LTBP1: variants seen among roughly 807,000 people sequenced by gnomAD.
LTBP1 encodes the protein latent transforming growth factor beta binding protein 1, also known as latent-transforming growth factor beta-binding protein 1.
In LTBP1, 129 loss-of-function variants were observed where a neutral mutation model predicts 207.6. The ratio of observed to expected loss-of-function variants is 0.62; its 90% CI spans 0.54 to 0.72. The LOEUF is 0.72. Ranked by LOEUF, LTBP1 falls within the 30% of genes least tolerant of loss-of-function variation. The pLI, the probability that LTBP1 is intolerant of heterozygous loss-of-function variation, is 0.00. For missense variants in LTBP1, 2,281 were observed against 2,217.2 expected (o/e 1.03, Z -0.58); for synonymous variants, 963 against 833.7 (o/e 1.16, Z -2.67).
chr2:33,070,424 T>C (rs1655677376), intron 3 of LTBP1, among the ~76,000 whole-genome samples: 1 of 152,202 alleles, frequency 6.6e-6, no homozygotes, highest in Non-Finnish European at 1.5e-5. Context: ...TAGCCATGGC[T>C]GGTGGCCACA....
chr2:33,280,019 C>G lies in LTBP1; in HGVS notation c.2993-20C>G, dbSNP rs771862799. On this transcript the variant is annotated intron_variant, in intron 18 of 33. Coordinates refer to ENST00000404816, the MANE Select transcript of LTBP1 (RefSeq NM_206943.4). ...GGTATTCTGATAAAATGTTCACGAC[C>G]TAGGTTTTTGATTTTTCAGATATTG... The G allele has an allele frequency of 1.9e-6, 3 of 1,612,484 alleles. No homozygotes were observed. The African/African-American group carries it at 4.0e-5, about 22-fold the overall frequency.
chr2:33,149,920 G>T (rs1284818754), intron 5 of LTBP1, among the ~76,000 whole-genome samples: 1 of 152,164 alleles, frequency 6.6e-6, no homozygotes, highest in African/African-American at 2.4e-5. Context: ...CACCTTGGGA[G>T]GGTATGGGTT....
chr2:33,140,162 G>C (rs2082519558), intron 5 of LTBP1, among the ~76,000 whole-genome samples: 2 of 152,170 alleles, frequency 1.3e-5, no homozygotes, highest in Non-Finnish European at 2.9e-5. Context: ...TAATACTGTG[G>C]TGCTGGGATG....
At chr2:33,160,170 C>T (rs893887808) in intron 5 of LTBP1, among the ~76,000 whole-genome samples, 5 of 152,164 alleles carry the variant, frequency 3.3e-5, no homozygotes, top group Non-Finnish European at 5.9e-5. Flanking sequence ...TGAGCCACCG[C>T]GCCTGGCCTC....
At chr2:33,320,785 C>G (rs1159325727) in intron 24 of LTBP1, among the ~76,000 whole-genome samples, 1 of 152,118 alleles carries the variant, frequency 6.6e-6, no homozygotes, top group African/African-American at 2.4e-5. Flanking sequence ...TGTAAGAGTT[C>G]ATCAGTCATA....
At position 33,306,048 on chromosome 2, in the gene LTBP1, G is replaced by T. The variant is rs1258162252; in HGVS notation, c.3482-3386G>T. Among the ~76,000 whole-genome samples the T allele has an allele frequency of 4.6e-5, 7 of 152,208 alleles. No homozygotes were observed. In the East Asian group the frequency reaches 7.7e-4, roughly 17 times the overall value. ...TATTTTCGCACTACCCCAGGTGGTG[G>T]TACGAAATAGTACCATGTTGTGCTC... On this transcript the variant is annotated intron_variant, in intron 22 of 33. Transcript: ENST00000404816.
Position 32,947,263 on chromosome 2 carries a change from G to A in LTBP1, c.-62G>A. On this transcript the variant is annotated 5_prime_UTR_variant, in exon 1 of 34. Transcript: ENST00000404816. ...AGCCCGAACGCGCGGGGAAAGGCGA[G>A]CCGCACGGCCGGGGGAGGGGGCCGG... 1.7e-6 allele frequency: 2 copies of A among 1,172,472 alleles called. No homozygotes were observed. The highest frequency in any genetic ancestry group is 2.1e-6 in the Non-Finnish European group (2 of 941,252). 72.6% of individuals were successfully genotyped at this position (1,172,472 alleles called of 1,614,324 possible). A position where few individuals can be genotyped will look rare whatever the true frequency, so the allele number is the denominator to read the frequency against.
intron 17 of LTBP1, 53 bp from the exon 18 acceptor site, chr2:33,275,748 T>C (rs1276434912): frequency 6.2e-7 from 1 of 1,608,478 alleles, no homozygotes. Context: ...ATGGGAGAGG[T>C]TTGAAACAGT....
chr2:33,221,980 A>T (rs1459938576), intron 8 of LTBP1, 100 bp from the exon 9 acceptor site: 6 of 743,936 alleles, frequency 8.1e-6, no homozygotes, highest in Non-Finnish European at 1.4e-5. Context: ...ATAAATGAAT[A>T]AGTAAGTTTG....
chr2:33,302,936 C>T (rs940137077), intron 22 of LTBP1, among the ~76,000 whole-genome samples: 5 of 145,864 alleles, frequency 3.4e-5, no homozygotes, highest in Non-Finnish European at 7.5e-5. Flanking sequence ...GTGGTGGCGC[C>T]CAGCTAATAT....
At chr2:33,189,817 G>T (rs903490286) in intron 7 of LTBP1, among the ~76,000 whole-genome samples, 1 of 152,088 alleles carries the variant, frequency 6.6e-6, no homozygotes, top group Non-Finnish European at 1.5e-5. Context: ...CCTGAGGTCA[G>T]GAGTTCGAGA....
chr2:32,984,298 A>G (rs80282292), intron 2 of LTBP1, among the ~76,000 whole-genome samples: 217 of 152,114 alleles, frequency 1.4e-3, no homozygotes, highest in African/African-American at 5.1e-3. Flanking sequence ...CTTTTTTTCC[A>G]TCTGAATAAA....
chr2:33,189,532 T>G (rs2087601084), intron 7 of LTBP1, among the ~76,000 whole-genome samples: 1 of 152,174 alleles, frequency 6.6e-6, no homozygotes, highest in South Asian at 2.1e-4. Flanking sequence ...ATTACCTGTT[T>G]CTATTTTTTC....
At chr2:32,996,497 A>G (rs944766522) in intron 2 of LTBP1, among the ~76,000 whole-genome samples, 1 of 152,188 alleles carries the variant, frequency 6.6e-6, no homozygotes, top group African/African-American at 2.4e-5. Context: ...TATTTAATAA[A>G]TAGTTTTTTA....
intron 2 of LTBP1, among the ~76,000 whole-genome samples, chr2:32,990,718 G>A (rs1231771549): frequency 6.6e-6 from 1 of 152,126 alleles, no homozygotes. Flanking sequence ...CAAAACAGCT[G>A]TGTGGGGAAA....
rs377706919 is a variant in LTBP1 at position 33,356,668 on chromosome 2, C to A, written c.4001-3929C>A. ...GTCTCAAAAAACAAAAAACAAAAAA[C>A]CACATTTCTCATTTTCCGAGTTCTT... On this transcript the variant is annotated intron_variant, in intron 26 of 33. Coordinates refer to ENST00000404816, the MANE Select transcript of LTBP1 (RefSeq NM_206943.4). 3.3e-5 allele frequency among the ~76,000 whole-genome samples: 5 copies of A among 152,188 alleles called. No individual in the cohort carries two copies. The South Asian group carries it at 1.0e-3, about 32-fold the overall frequency.
intron 2 of LTBP1, among the ~76,000 whole-genome samples, chr2:33,007,411 T>A (rs531269494): frequency 6.6e-6 from 1 of 152,206 alleles, no homozygotes; most frequent in Non-Finnish European, 1.5e-5. Flanking sequence ...ATAAATCAAA[T>A]GGTAATTTTA....
At chr2:33,227,544 C>G (rs1450324516) in intron 9 of LTBP1, among the ~76,000 whole-genome samples, 1 of 152,012 alleles carries the variant, frequency 6.6e-6, no homozygotes, top group Non-Finnish European at 1.5e-5. Flanking sequence ...CTACTTATGC[C>G]CCATGCCACA....
intron 15 of LTBP1, among the ~76,000 whole-genome samples, chr2:33,270,589 CAA>C (rs397961095): frequency 3.7e-4 from 28 of 75,346 alleles, no homozygotes; most frequent in African/African-American, 9.7e-4. Flanking sequence ...GACTCCGTCT[CAA>C]AAAAAAAAAA....
Sources: gnomAD v4.1 joint callset for allele counts (sites outside exome capture counted in the v4.1 genomes callset) on GRCh38, gnomAD v4.1.1 for gene constraint, MANE v1.5 for transcripts, NCBI Gene and HGNC (gene_info 2026-07-23, HGNC 2026-07-21) for gene names.